Variants in GNAQ observed in about 807,000 individuals in gnomAD.
GNAQ encodes guanine nucleotide-binding protein G(q) subunit alpha.
A neutral mutation model predicts 43.9 loss-of-function variants in GNAQ; 8 were observed. That is an observed-to-expected ratio of 0.18 (90% CI 0.11 to 0.33). The LOEUF (loss-of-function observed/expected upper bound fraction) is 0.33. Ranked by LOEUF, GNAQ falls within the 10% of genes least tolerant of loss-of-function variation. GNAQ has a pLI of 1.00. For synonymous variants in GNAQ, 155 were observed against 170.7 expected (o/e 0.91, Z 0.71); for missense variants, 158 against 450.8 (o/e 0.35, Z 5.88).
chr9:77,753,149 C>A lies in GNAQ; in HGVS notation c.736-24482G>T, dbSNP rs908299571. On this transcript the variant is annotated intron_variant, in intron 5 of 6. Transcript: ENST00000286548. The stretch of plus-strand genomic sequence containing the variant: ...AGATTTAGTTGGCTTCACTGATAAT[C>A]TTTTTTCATAAATGGGATATAAGTC... 3.4e-5 allele frequency among the ~76,000 whole-genome samples: 5 copies of A among 149,000 alleles called. No homozygotes were observed. In the East Asian group the frequency reaches 8.1e-4, roughly 24 times the overall value.
At chr9:78,007,378 G>A (rs897185474) in intron 1 of GNAQ, among the ~76,000 whole-genome samples, 2 of 148,228 alleles carry the variant, frequency 1.3e-5, no homozygotes, top group African/African-American at 2.5e-5. Context: ...AGATTCTAAC[G>A]CTGATAAACT....
intron 5 of GNAQ, among the ~76,000 whole-genome samples, chr9:77,746,629 T>A (rs1167490369): frequency 6.6e-6 from 1 of 152,000 alleles, no homozygotes; most frequent in Non-Finnish European, 1.5e-5. Context: ...ATAAACGAAA[T>A]TACAGCTGCT....
chr9:78,005,439 T>G (rs1823693373), intron 1 of GNAQ, among the ~76,000 whole-genome samples: 1 of 152,228 alleles, frequency 6.6e-6, no homozygotes, highest in Admixed American at 6.5e-5. Flanking sequence ...CTCCCCATTG[T>G]CTGGGGAAGC....
chr9:77,721,969 T>C (rs1028649065), intron 6 of GNAQ, among the ~76,000 whole-genome samples: 4 of 152,166 alleles, frequency 2.6e-5, no homozygotes, highest in African/African-American at 7.2e-5. Context: ...TCATTTTACA[T>C]CTTCCAGACT....
chr9:77,765,866 G>A (rs1826127252), intron 5 of GNAQ, among the ~76,000 whole-genome samples: 1 of 152,208 alleles, frequency 6.6e-6, no homozygotes, highest in Non-Finnish European at 1.5e-5. Context: ...TAAACAAAAT[G>A]TGGTTTACAC....
chr9:77,911,594 A>T (rs567253260), intron 2 of GNAQ, among the ~76,000 whole-genome samples: 1 of 152,308 alleles, frequency 6.6e-6, no homozygotes, highest in Admixed American at 6.5e-5. Flanking sequence ...ATAGCTTGAG[A>T]TCATAAAACA....
At chr9:77,728,038 A>G (rs1272026302) in intron 6 of GNAQ, among the ~76,000 whole-genome samples, 1 of 151,644 alleles carries the variant, frequency 6.6e-6, no homozygotes, top group African/African-American at 2.4e-5. Context: ...CTCTGTTGCC[A>G]GGCTGGAGTG....
intron 2 of GNAQ, among the ~76,000 whole-genome samples, chr9:77,856,776 A>C (rs1304571269): frequency 6.6e-6 from 1 of 152,244 alleles, no homozygotes; most frequent in Non-Finnish European, 1.5e-5. Flanking sequence ...TCATCCAGGA[A>C]AAATGAGTTA....
chr9:77,922,377 C>A, intron 1 of GNAQ, 32 bp from the exon 2 acceptor site: 2 of 1,501,214 alleles, frequency 1.3e-6, no homozygotes, highest in Non-Finnish European at 1.8e-6. Context: ...CTCATCAGAC[C>A]ACAGTGCCAT....
intron 1 of GNAQ, among the ~76,000 whole-genome samples, chr9:78,006,328 C>T (rs768626457): frequency 1.3e-5 from 2 of 152,162 alleles, no homozygotes; most frequent in Non-Finnish European, 2.9e-5. Flanking sequence ...AAGAAGTATA[C>T]TGCCCCCTGC....
At chr9:77,956,010 A>C (rs949164620) in intron 1 of GNAQ, among the ~76,000 whole-genome samples, 6 of 152,238 alleles carry the variant, frequency 3.9e-5, no homozygotes, top group African/African-American at 1.4e-4. Context: ...ATTATAAATA[A>C]AACCCTACAT....
intron 2 of GNAQ, among the ~76,000 whole-genome samples, chr9:77,842,884 T>C: frequency 6.6e-6 from 1 of 152,206 alleles, no homozygotes; most frequent in African/African-American, 2.4e-5. Context: ...TACTCATTAA[T>C]AGAGGCACAT....
rs1390851385 is a variant in GNAQ, at chr9:77,973,968, A to G, written c.137-51623T>C. Among the ~76,000 whole-genome samples, 3 of 152,204 alleles carry G rather than the reference A, an allele frequency of 2.0e-5. No individual in the cohort carries two copies. The East Asian group carries it at 5.8e-4, about 29-fold the overall frequency. ...AATTTTCTCATATGGTGAATACTAT[A>G]TACTTAGATTCTTACAAAAACCTAG... On this transcript the variant is annotated intron_variant, in intron 1 of 6. Transcript: ENST00000286548.
At chr9:77,901,377 T>C (rs1828614284) in intron 2 of GNAQ, among the ~76,000 whole-genome samples, 1 of 152,226 alleles carries the variant, frequency 6.6e-6, no homozygotes, top group Non-Finnish European at 1.5e-5. Context: ...TCTGTGTATT[T>C]AGTCCCTAAA....
intron 1 of GNAQ, among the ~76,000 whole-genome samples, chr9:78,006,410 C>CA (rs1823706931): frequency 6.6e-6 from 1 of 152,162 alleles, no homozygotes; most frequent in African/African-American, 2.4e-5. Flanking sequence ...CTGTCTTGTA[C>CA]ACACATACCA....
At chr9:77,814,714 T>A (rs1376021008) in intron 3 of GNAQ, among the ~76,000 whole-genome samples, 2 of 152,172 alleles carry the variant, frequency 1.3e-5, no homozygotes, top group Non-Finnish European at 2.9e-5. Context: ...CCCACTCTCA[T>A]CCAGTGGATC....
At chr9:77,738,800 T>C (rs967481043) in intron 5 of GNAQ, among the ~76,000 whole-genome samples, 1 of 152,194 alleles carries the variant, frequency 6.6e-6, no homozygotes, top group African/African-American at 2.4e-5. Context: ...ACTATATTAG[T>C]GCAGTTTTAA....
At chr9:77,819,899 A>C (rs978980445) in intron 2 of GNAQ, among the ~76,000 whole-genome samples, 5 of 151,922 alleles carry the variant, frequency 3.3e-5, no homozygotes, top group African/African-American at 1.2e-4. Flanking sequence ...ACTTCCACCC[A>C]GTACTAGCTG....
intron 5 of GNAQ, among the ~76,000 whole-genome samples, chr9:77,744,375 T>C (rs2118270169): frequency 6.6e-6 from 1 of 152,324 alleles, no homozygotes; most frequent in South Asian, 2.1e-4. Flanking sequence ...TTGGATAATT[T>C]ACTCCCTCTT....
Sources: gnomAD v4.1 joint callset for allele counts (sites outside exome capture counted in the v4.1 genomes callset) on GRCh38, gnomAD v4.1.1 for gene constraint, MANE v1.5 for transcripts, NCBI Gene and HGNC (gene_info 2026-07-23, HGNC 2026-07-21) for gene names.